Variants in STK32B observed in about 807,000 individuals in gnomAD.
STK32B encodes serine/threonine-protein kinase 32B.
STK32B carries 43 observed loss-of-function variants against 52.6 expected under a neutral mutation model. That is an observed-to-expected ratio of 0.82 (90% CI 0.64 to 1.05). The LOEUF (loss-of-function observed/expected upper bound fraction) is 1.05, where lower values mean the gene tolerates loss of function less well. STK32B is among the 50% of genes least tolerant of loss of function. The probability of loss-of-function intolerance (pLI) is 0.00; values close to 1 mark genes in which losing one functional copy is unlikely to be tolerated. For missense variants in STK32B, 621 were observed against 534.6 expected (o/e 1.16, Z -1.59); for synonymous variants, 238 against 204.3 (o/e 1.17, Z -1.41).
intron 3 of STK32B, among the ~76,000 whole-genome samples, chr4:5,202,482 C>G (rs956401367): frequency 1.3e-5 from 2 of 152,260 alleles, no homozygotes; most frequent in African/African-American, 4.8e-5. Flanking sequence ...CCCTTTCTCA[C>G]AGCTCCGCTC....
At position 5,144,969 on chromosome 4, in the gene STK32B, C is replaced by A. The variant is rs78598766; in HGVS notation, c.108+5009C>A. On this transcript the variant is annotated intron_variant, in intron 2 of 11. Transcript: ENST00000282908. The stretch of plus-strand genomic sequence containing the variant: ...AGAGTAATAAACAGTCAACTATAGT[C>A]CACTCTGAAAAGCATGGTAGGGGAG... Among the ~76,000 whole-genome samples the A allele has an allele frequency of 9.2e-5, 14 of 152,270 alleles. No homozygotes were observed. In the East Asian group the frequency reaches 2.7e-3, roughly 29 times the overall value.
intron 3 of STK32B, among the ~76,000 whole-genome samples, chr4:5,287,933 C>T (rs1321465675): frequency 1.3e-5 from 2 of 152,150 alleles, no homozygotes; most frequent in African/African-American, 2.4e-5. Context: ...CCTGCTCCTC[C>T]TAGCCCCCAG....
intron 3 of STK32B, among the ~76,000 whole-genome samples, chr4:5,304,455 G>A (rs2108901627): frequency 6.6e-6 from 1 of 151,096 alleles, no homozygotes; most frequent in Admixed American, 6.6e-5. Flanking sequence ...TTATAAAAGG[G>A]ATTGAGTTCT....
the STK32B span, among the ~76,000 whole-genome samples, chr4:5,031,565 C>G: frequency 7.3e-5 from 11 of 151,570 alleles, no homozygotes; most frequent in Non-Finnish European, 1.2e-4. Flanking sequence ...CATCACTGCA[C>G]TCCAGTCTAG....
intron 3 of STK32B, among the ~76,000 whole-genome samples, chr4:5,289,386 C>G (rs978897626): frequency 6.6e-6 from 1 of 152,138 alleles, no homozygotes. Flanking sequence ...CATTATTGTA[C>G]ACTTGGACAC....
rs867095972 is a variant in STK32B, at chr4:5,493,670, C to T, written c.1107-5275C>T. On this transcript the variant is annotated intron_variant, in intron 11 of 11. Transcript: ENST00000282908. ...TCTCTAGTTCTTTTAATGGTGATGT[C>T]AGGGTGTCAATTTTGGATCTTTCCT... Among the ~76,000 whole-genome samples, 12 of 152,094 alleles carry T rather than the reference C, an allele frequency of 7.9e-5. No homozygotes were observed. The East Asian group carries it at 1.5e-3, about 20-fold the overall frequency.
chr4:5,377,734 C>G (rs1038225519), intron 4 of STK32B, among the ~76,000 whole-genome samples: 1 of 152,104 alleles, frequency 6.6e-6, no homozygotes, highest in Non-Finnish European at 1.5e-5. Context: ...TTTTATAAGG[C>G]AGTTTTCTTT....
At position 5,209,118 on chromosome 4, in the gene STK32B, A is replaced by C. The variant is rs559063678; in HGVS notation, c.260+40668A>C. Among the ~76,000 whole-genome samples, 23 of 152,348 alleles carry C rather than the reference A, an allele frequency of 1.5e-4. No individual in the cohort carries two copies. In the South Asian group the frequency reaches 4.8e-3, roughly 32 times the overall value. ...AGCACTTCTGCACATGGAGAGATTC[A>C]GGTAACAGAAAATTGTGAGTATGGA... is the stretch of plus-strand genomic sequence containing the variant. On this transcript the variant is annotated intron_variant, in intron 3 of 11. Transcript: ENST00000282908.
intron 5 of STK32B, among the ~76,000 whole-genome samples, chr4:5,413,780 C>T (rs755143115): frequency 1.5e-4 from 23 of 152,148 alleles, no homozygotes; most frequent in Non-Finnish European, 2.6e-4. Flanking sequence ...ACATGGGAAA[C>T]GGGCAGCCTC....
chr4:5,472,626 G>A (rs887566679), intron 11 of STK32B, among the ~76,000 whole-genome samples: 3 of 152,184 alleles, frequency 2.0e-5, no homozygotes, highest in African/African-American at 7.2e-5. Context: ...AGAATAAGAA[G>A]CTCCTGGTGA....
At chr4:5,478,867 G>A (rs980228486) in intron 11 of STK32B, among the ~76,000 whole-genome samples, 12 of 152,126 alleles carry the variant, frequency 7.9e-5, no homozygotes, top group Admixed American at 6.6e-5. Context: ...GGAAGCTAGG[G>A]AACCAGTGCC....
rs540740221 is a variant in STK32B at position 5,473,710 on chromosome 4, C to A, written c.1106+5640C>A. 5.3e-5 allele frequency among the ~76,000 whole-genome samples: 8 copies of A among 152,274 alleles called. No individual in the cohort carries two copies. The East Asian group carries it at 1.4e-3, about 26-fold the overall frequency. On this transcript the variant is annotated intron_variant, in intron 11 of 11. Transcript: ENST00000282908. The stretch of plus-strand genomic sequence containing the variant: ...GCAAGATTATACAAATTAACATGAC[C>A]ACAATGCATCCTCCTTACCCCTCCT...
chr4:5,087,526 T>C (rs554937790), intron 1 of STK32B, among the ~76,000 whole-genome samples: 1 of 152,116 alleles, frequency 6.6e-6, no homozygotes, highest in South Asian at 2.1e-4. Context: ...AAAAAACAGC[T>C]ATATGCTATC....
At chr4:5,390,357 C>T (rs115818850) in intron 4 of STK32B, among the ~76,000 whole-genome samples, 414 of 152,340 alleles carry the variant, frequency 2.7e-3, no homozygotes, top group African/African-American at 9.8e-3. Flanking sequence ...TGCAGAATTT[C>T]CCCTTTCACA....
chr4:5,250,662 C>T (rs1349328373), intron 3 of STK32B, among the ~76,000 whole-genome samples: 1 of 152,200 alleles, frequency 6.6e-6, no homozygotes, highest in African/African-American at 2.4e-5. Flanking sequence ...AGTGACTAAA[C>T]TAATTTACTT....
intron 5 of STK32B, among the ~76,000 whole-genome samples, chr4:5,403,741 C>T (rs2109053377): frequency 6.6e-6 from 1 of 152,268 alleles, no homozygotes; most frequent in South Asian, 2.1e-4. Flanking sequence ...GTGCTACCCC[C>T]AGCATGCCAG....
At chr4:5,333,159 T>G (rs1028726988) in intron 4 of STK32B, among the ~76,000 whole-genome samples, 1 of 152,060 alleles carries the variant, frequency 6.6e-6, no homozygotes, top group Non-Finnish European at 1.5e-5. Context: ...CAGCACCTGT[T>G]GTTTCCTGAC....
At chr4:5,424,119 G>T (rs1369813753) in intron 6 of STK32B, among the ~76,000 whole-genome samples, 3 of 152,104 alleles carry the variant, frequency 2.0e-5, no homozygotes, top group African/African-American at 7.2e-5. Context: ...TACCAGCCAG[G>T]TATGCACATG....
At chr4:5,301,229 G>A (rs1022582037) in intron 3 of STK32B, among the ~76,000 whole-genome samples, 3 of 151,976 alleles carry the variant, frequency 2.0e-5, no homozygotes, top group Admixed American at 6.6e-5. Context: ...ATATTGATAC[G>A]TAGTTTTCTT....
Sources: gnomAD v4.1 joint callset for allele counts (sites outside exome capture counted in the v4.1 genomes callset) on GRCh38, gnomAD v4.1.1 for gene constraint, MANE v1.5 for transcripts, NCBI Gene and HGNC (gene_info 2026-07-23, HGNC 2026-07-21) for gene names.